Variants in TRIM11 observed in about 807,000 individuals in gnomAD.
The protein encoded by TRIM11 is E3 ubiquitin-protein ligase TRIM11.
A neutral mutation model predicts 33.4 loss-of-function variants in TRIM11; 15 were observed. The observed-to-expected ratio is 0.45, with a 90% CI of 0.30 to 0.69. The LOEUF (loss-of-function observed/expected upper bound fraction) is 0.69, where lower values mean the gene tolerates loss of function less well. Among genes scored for constraint, TRIM11 ranks in the 30% least tolerant of loss-of-function variants. TRIM11 has a pLI of 0.08. For missense variants in TRIM11, 499 were observed against 667.6 expected (o/e 0.75, Z 2.78); for synonymous variants, 281 against 302.6 (o/e 0.93, Z 0.74).
At chr1:228,402,276 C>T (rs1167677619) in intron 1 of TRIM11, 115 bp from the exon 2 acceptor site, 5 of 722,172 alleles carry the variant, frequency 6.9e-6, no homozygotes, top group South Asian at 2.0e-5. Context: ...CTGAAATCTG[C>T]CTGGTGAATC....
intron 3 of TRIM11, among the ~76,000 whole-genome samples, chr1:228,398,480 T>C (rs1217661089): frequency 1.3e-5 from 2 of 152,118 alleles, no homozygotes; most frequent in African/African-American, 4.8e-5. Context: ...TTAGCTGAGC[T>C]TGGTGGTGTG....
At chr1:228,405,935 G>A (rs967852541) in intron 1 of TRIM11, 14 of 440,618 alleles carry the variant, frequency 3.2e-5, no homozygotes, top group Non-Finnish European at 5.3e-5. Context: ...CATGGTCCCA[G>A]CCTCAAGGGG....
In TRIM11 at chr1:228,406,571, A is replaced by T. The variant is rs774671723; in HGVS notation, c.-10T>A. The T allele has an allele frequency of 6.7e-7, 1 of 1,503,146 alleles. No homozygotes were observed. Among genetic ancestry groups the T allele is most frequent in the Non-Finnish European group, 8.9e-7 (1 of 1,122,234 alleles). 93.1% of individuals were successfully genotyped at this position (1,503,146 alleles called of 1,614,324 possible). ...GGTCGGGGGCGGCCATGGCGCGGAC[A>T]GAGGGGAGGAAGGCGGTACTGTCCG... On this transcript the variant is annotated 5_prime_UTR_variant, in exon 1 of 6. Coordinates refer to ENST00000284551, the MANE Select transcript of TRIM11 (RefSeq NM_145214.3). This position sits in a 1 kb window ranked among gnomAD's most constrained non-coding sequence, Gnocchi z 8.2.
At position 228,394,759 on chromosome 1, in the gene TRIM11, C is replaced by T. The variant is rs536462906; in HGVS notation, c.1353G>A (p.Pro451=). 1.6e-5 allele frequency: 26 copies of T among 1,613,174 alleles called. No individual in the cohort carries two copies. The highest frequency in any genetic ancestry group is 1.7e-4 in the Middle Eastern group (1 of 6,016). ...LFSPLSSSPT[P]MTICRPKGGS... is the part of the protein sequence containing the mutation. Reference sequence around the variant, plus strand: ...CACCTTTCGGCCGGCAGATAGTCATCGGGGTCGGGCTGCTGGACAGGGGTG... The same window carrying T: ...CACCTTTCGGCCGGCAGATAGTCATTGGGGTCGGGCTGCTGGACAGGGGTG... The change falls in exon 6 of 6, where the codon CCG becomes CCA. Residue 451 remains proline (P), a synonymous_variant. Coordinates refer to ENST00000284551, the MANE Select transcript of TRIM11 (RefSeq NM_145214.3). This position sits in a 1 kb window ranked among gnomAD's most constrained non-coding sequence, Gnocchi z 6.2.
chr1:228,394,751 ATAGT>A lies in TRIM11; in HGVS notation c.1357_1360del (p.Thr453SerfsTer60), dbSNP rs772250662. The A allele has an allele frequency of 6.2e-7, 1 of 1,612,872 alleles. No individual in the cohort carries two copies. ...CCCGGACCCACCTTTCGGCCGGCAG[ATAGT>A]CATCGGGGTCGGGCTGCTGGACAGG... On this transcript the variant is annotated frameshift_variant, in exon 6 of 6. Transcript: ENST00000284551. LOFTEE classifies it low-confidence loss of function (END_TRUNC). The surrounding 1 kb of genome is among the most constrained non-coding windows in gnomAD (Gnocchi z 6.2).
Position 228,406,087 on chromosome 1 carries a change from A to T in TRIM11, c.408+67T>A. 1.6e-6 allele frequency: 1 copy of T among 614,410 alleles called. No individual in the cohort carries two copies. The highest frequency in any genetic ancestry group is 2.4e-6 in the Non-Finnish European group (1 of 422,682). The allele number at this position is 614,410 out of a possible 1,614,324, so 38.1% of individuals were successfully genotyped here. Reference sequence around the variant, plus strand: ...CCCGGAGCAGTCCCCCAAACCTCCCACCCGCCCAGGCCTCCCCAGTCCCCG... The same window carrying T: ...CCCGGAGCAGTCCCCCAAACCTCCCTCCCGCCCAGGCCTCCCCAGTCCCCG... On this transcript the variant is annotated intron_variant, in intron 1 of 5. Coordinates refer to ENST00000284551, the MANE Select transcript of TRIM11 (RefSeq NM_145214.3). The surrounding 1 kb of genome is among the most constrained non-coding windows in gnomAD (Gnocchi z 8.2).
In TRIM11 at chr1:228,406,577, G is replaced by A. The variant is rs1439468011; in HGVS notation, c.-16C>T. On this transcript the variant is annotated 5_prime_UTR_variant, in exon 1 of 6. Transcript: ENST00000284551. The surrounding 1 kb of genome is among the most constrained non-coding windows in gnomAD (Gnocchi z 8.2). ...GGGCGGCCATGGCGCGGACAGAGGGGAGGAAGGCGGTACTGTCCGCGGGGC... is the reference window on the plus strand; with the variant it reads ...GGGCGGCCATGGCGCGGACAGAGGGAAGGAAGGCGGTACTGTCCGCGGGGC... The A allele has an allele frequency of 2.7e-6, 4 of 1,494,092 alleles. No homozygotes were observed. Among genetic ancestry groups the A allele is most frequent in the Non-Finnish European group, 3.6e-6 (4 of 1,118,670 alleles). 92.6% of individuals were successfully genotyped at this position (1,494,092 alleles called of 1,614,324 possible). A position where few individuals can be genotyped will look rare whatever the true frequency, so the allele number is the denominator to read the frequency against.
rs1340401997 is a variant in TRIM11 at position 228,395,694 on chromosome 1, T to C, written c.860-442A>G. The C allele has an allele frequency of 6.4e-6, 1 of 156,348 alleles. No homozygotes were observed. The highest frequency in any genetic ancestry group is 2.4e-5 in the African/African-American group (1 of 41,582). The allele number at this position is 156,348 out of a possible 1,614,324, so 9.7% of individuals were successfully genotyped here. A position where few individuals can be genotyped will look rare whatever the true frequency, so the allele number is the denominator to read the frequency against. ...GTGCCACCATGGCTGGCTCATTTTT[T>C]TGTTTTTTATTTGTAGAGATGGGAG... On this transcript the variant is annotated intron_variant, in intron 5 of 5. Transcript: ENST00000284551. This position sits in a 1 kb window ranked among gnomAD's most constrained non-coding sequence, Gnocchi z 4.8.
At chr1:228,396,868 A>G in intron 5 of TRIM11, 79 bp downstream of exon 5, 4 of 1,370,448 alleles carry the variant, frequency 2.9e-6, no homozygotes, top group Non-Finnish European at 4.2e-6. Context: ...GGCAGGGCAC[A>G]GAACACGTGG....
Position 228,406,083 on chromosome 1 carries a change from TCCC to T in TRIM11, c.408+68_408+70del. ...TACTCCCGGAGCAGTCCCCCAAACC[TCCC>T]ACCCGCCCAGGCCTCCCCAGTCCCC... is the stretch of plus-strand genomic sequence containing the variant. On this transcript the variant is annotated intron_variant, in intron 1 of 5. Transcript: ENST00000284551. This position sits in a 1 kb window ranked among gnomAD's most constrained non-coding sequence, Gnocchi z 8.2. 5.4e-6 allele frequency: 5 copies of T among 917,874 alleles called. No individual in the cohort carries two copies. Among genetic ancestry groups the T allele is most frequent in the South Asian group, 2.5e-5 (1 of 40,526 alleles). The allele number at this position is 917,874 out of a possible 1,614,324, so 56.9% of individuals were successfully genotyped here.
rs112942682 is a variant in TRIM11, at chr1:228,397,118, C to A, written c.758+25G>T. 2.1e-3 allele frequency: 3,320 copies of A among 1,613,814 alleles called. 4 individuals carry two copies. The highest frequency in any genetic ancestry group is 3.2e-3 in the Admixed American group (191 of 59,986). On this transcript the variant is annotated intron_variant, in intron 4 of 5. Transcript: ENST00000284551. ...TCCCACCCCACTCCCTCCTGCCCCCCCTCCAGGAGAGGCTGGGTTCGTACC... is the reference window on the plus strand; with the variant it reads ...TCCCACCCCACTCCCTCCTGCCCCCACTCCAGGAGAGGCTGGGTTCGTACC...
chr1:228,406,055 G>T lies in TRIM11; in HGVS notation c.408+99C>A. ...GAGCTCCCCGCCCTAGACAGAGACA[G>T]ATTACTCCCGGAGCAGTCCCCCAAA... On this transcript the variant is annotated intron_variant, in intron 1 of 5. Transcript: ENST00000284551. This position sits in a 1 kb window ranked among gnomAD's most constrained non-coding sequence, Gnocchi z 8.2. 7.9e-7 allele frequency: 1 copy of T among 1,270,504 alleles called. No homozygotes were observed. The highest frequency in any genetic ancestry group is 1.0e-6 in the Non-Finnish European group (1 of 993,670). The allele number at this position is 1,270,504 out of a possible 1,614,324, so 78.7% of individuals were successfully genotyped here.
rs1422256886 is a variant in TRIM11 at position 228,393,956 on chromosome 1, G to C, written c.*749C>G. The C allele has an allele frequency of 6.6e-6, 1 of 152,282 alleles. No individual in the cohort carries two copies. The highest frequency in any genetic ancestry group is 2.4e-5 in the African/African-American group (1 of 41,460). The allele number at this position is 152,282 out of a possible 1,614,324, so 9.4% of individuals were successfully genotyped here. A position where few individuals can be genotyped will look rare whatever the true frequency, so the allele number is the denominator to read the frequency against. On this transcript the variant is annotated 3_prime_UTR_variant, in exon 6 of 6. Coordinates refer to ENST00000284551, the MANE Select transcript of TRIM11 (RefSeq NM_145214.3). ...CTGGAGACCTAGGAAGCCTTTGCAA[G>C]GGCAAAACCCAATGGCAACATGCCC...
At position 228,394,571 on chromosome 1, in the gene TRIM11, C is replaced by A. The variant is rs2074960774; in HGVS notation, c.*134G>T. On this transcript the variant is annotated 3_prime_UTR_variant, in exon 6 of 6. Transcript: ENST00000284551. The surrounding 1 kb of genome is among the most constrained non-coding windows in gnomAD (Gnocchi z 6.2). ...TAGAATTGGGGTTCTCCCACGCAGGCTCAGAAAGGCACCAGGAGTTCCTCC... is the reference window on the plus strand; with the variant it reads ...TAGAATTGGGGTTCTCCCACGCAGGATCAGAAAGGCACCAGGAGTTCCTCC... 9 of 1,030,568 alleles carry A rather than the reference C, an allele frequency of 8.7e-6. No homozygotes were observed. The highest frequency in any genetic ancestry group is 1.1e-5 in the Non-Finnish European group (8 of 729,640). 63.8% of individuals were successfully genotyped at this position (1,030,568 alleles called of 1,614,324 possible).
chr1:228,395,367 C>T lies in TRIM11; in HGVS notation c.860-115G>A. 4 of 1,179,990 alleles carry T rather than the reference C, an allele frequency of 3.4e-6. No homozygotes were observed. Among genetic ancestry groups the T allele is most frequent in the South Asian group, 2.6e-5 (1 of 38,052 alleles). 73.1% of individuals were successfully genotyped at this position (1,179,990 alleles called of 1,614,324 possible). A position where few individuals can be genotyped will look rare whatever the true frequency, so the allele number is the denominator to read the frequency against. ...CCAGTCGGACGGCCTGGCTCTCTGC[C>T]CTGGGCCTGTAGCCTCACAACCTCC... On this transcript the variant is annotated intron_variant, in intron 5 of 5. Transcript: ENST00000284551. The surrounding 1 kb of genome is among the most constrained non-coding windows in gnomAD (Gnocchi z 4.8).
rs1191379566 is a variant in TRIM11, at chr1:228,400,246, C to T, written c.735+718G>A. Among the ~76,000 whole-genome samples, 6 of 152,218 alleles carry T rather than the reference C, an allele frequency of 3.9e-5. No individual in the cohort carries two copies. The highest frequency in any genetic ancestry group is 1.4e-4 in the African/African-American group (6 of 41,436). The stretch of plus-strand genomic sequence containing the variant: ...GGGAAAAACATCCAGCTGAACCCCA[C>T]GGGAAGATGATAGCAGACACTCCCA... On this transcript the variant is annotated intron_variant, in intron 3 of 5. Transcript: ENST00000284551. This position sits in a 1 kb window ranked among gnomAD's most constrained non-coding sequence, Gnocchi z 4.5.
chr1:228,406,083 T>TACCCCC lies in TRIM11; in HGVS notation c.408+70_408+71insGGGGGT. On this transcript the variant is annotated intron_variant, in intron 1 of 5. Transcript: ENST00000284551. The surrounding 1 kb of genome is among the most constrained non-coding windows in gnomAD (Gnocchi z 8.2). ...TACTCCCGGAGCAGTCCCCCAAACCTCCCACCCGCCCAGGCCTCCCCAGTC... is the reference window on the plus strand; with the variant it reads ...TACTCCCGGAGCAGTCCCCCAAACCTACCCCCCCCACCCGCCCAGGCCTCCCCAGTC... The TACCCCC allele has an allele frequency of 3.2e-5, 29 of 917,838 alleles. No homozygotes were observed. The highest frequency in any genetic ancestry group is 4.1e-5 in the Non-Finnish European group (28 of 683,068). 56.9% of individuals were successfully genotyped at this position (917,838 alleles called of 1,614,324 possible). A position where few individuals can be genotyped will look rare whatever the true frequency, so the allele number is the denominator to read the frequency against.
intron 3 of TRIM11, 135 bp from the exon 4 acceptor site, chr1:228,397,300 G>C: frequency 9.2e-7 from 1 of 1,082,880 alleles, no homozygotes; most frequent in Non-Finnish European, 1.3e-6. Context: ...ACACACACAG[G>C]GGGCCATAAA....
At position 228,400,491 on chromosome 1, in the gene TRIM11, A is replaced by G. The variant is rs1251887226; in HGVS notation, c.735+473T>C. On this transcript the variant is annotated intron_variant, in intron 3 of 5. Transcript: ENST00000284551. The surrounding 1 kb of genome is among the most constrained non-coding windows in gnomAD (Gnocchi z 4.5). ...TGGGAAAAGACTCTCCTGGAAGCAG[A>G]GGAGGAGGAGACTGCCCCCCATAAT... is the stretch of plus-strand genomic sequence containing the variant. Among the ~76,000 whole-genome samples, 4 of 152,172 alleles carry G rather than the reference A, an allele frequency of 2.6e-5. No homozygotes were observed. Among genetic ancestry groups the G allele is most frequent in the Non-Finnish European group, 5.9e-5 (4 of 68,022 alleles).
Sources: gnomAD v4.1 joint callset for allele counts (sites outside exome capture counted in the v4.1 genomes callset) on GRCh38, gnomAD v4.1.1 for gene constraint, Gnocchi (gnomAD v3.1) non-coding constraint, MANE v1.5 for transcripts, NCBI Gene and HGNC (gene_info 2026-07-23, HGNC 2026-07-21) for gene names.